RIMS1: variants seen among roughly 807,000 people sequenced by gnomAD.
The protein encoded by RIMS1 is regulating synaptic membrane exocytosis protein 1.
RIMS1 carries 83 observed loss-of-function variants against 214.1 expected under a neutral mutation model. The observed-to-expected ratio is 0.39, with a 90% CI of 0.32 to 0.47. The LOEUF (loss-of-function observed/expected upper bound fraction) is 0.47. RIMS1 is among the 20% of genes least tolerant of loss of function. The probability of loss-of-function intolerance (pLI) is 0.99; values close to 1 mark genes in which losing one functional copy is unlikely to be tolerated. For missense variants in RIMS1, 2,050 were observed against 2,161.8 expected, an observed-to-expected ratio of 0.95 and a Z score of 1.03; for synonymous variants, 793 against 786.8, an observed-to-expected ratio of 1.01 and a Z score of -0.13.
intron 3 of RIMS1, among the ~76,000 whole-genome samples, chr6:72,099,460 C>G (rs919405783): frequency 2.6e-5 from 4 of 151,974 alleles, no homozygotes; most frequent in African/African-American, 9.7e-5. Context: ...ATAAATATTG[C>G]CTGTGGAATA....
intron 5 of RIMS1, among the ~76,000 whole-genome samples, chr6:72,181,005 T>G (rs1432273839): frequency 6.6e-6 from 1 of 152,192 alleles, no homozygotes; most frequent in Non-Finnish European, 1.5e-5. Flanking sequence ...TTCAAGCCAG[T>G]AGTCATTGTG....
intron 26 of RIMS1, among the ~76,000 whole-genome samples, chr6:72,298,472 A>C (rs2094312061): frequency 6.6e-6 from 1 of 152,008 alleles, no homozygotes; most frequent in Non-Finnish European, 1.5e-5. Flanking sequence ...ACTTGTTCTC[A>C]TCCACTTTGC....
intron 28 of RIMS1, among the ~76,000 whole-genome samples, chr6:72,327,489 T>C (rs932926822): frequency 1.9e-4 from 29 of 151,818 alleles, no homozygotes; most frequent in African/African-American, 6.0e-4. Context: ...AGTTCATATA[T>C]GTTTGTGTGG....
chr6:72,262,490 C>T (rs1171204735), intron 19 of RIMS1: 15 of 985,104 alleles, frequency 1.5e-5, no homozygotes, highest in Admixed American at 6.2e-5. Flanking sequence ...TGTGTCAGTG[C>T]GAAACATATG....
At chr6:71,916,978 A>G (rs1253598949) in intron 1 of RIMS1, among the ~76,000 whole-genome samples, 1 of 152,126 alleles carries the variant, frequency 6.6e-6, no homozygotes, top group Non-Finnish European at 1.5e-5. Context: ...TGGGAAGTAA[A>G]TGTAGTATTA....
chr6:72,007,992 G>T (rs963663249), intron 2 of RIMS1, among the ~76,000 whole-genome samples: 1 of 152,106 alleles, frequency 6.6e-6, no homozygotes, highest in Non-Finnish European at 1.5e-5. Context: ...GATACTGTTC[G>T]AGAAGAGCAA....
At chr6:72,371,780 A>G (rs997494857) in intron 29 of RIMS1, among the ~76,000 whole-genome samples, 3 of 152,184 alleles carry the variant, frequency 2.0e-5, no homozygotes, top group Non-Finnish European at 4.4e-5. Flanking sequence ...GTGCCTTTTA[A>G]GGGGCAAAGC....
At chr6:71,963,754 T>C (rs972483960) in intron 1 of RIMS1, among the ~76,000 whole-genome samples, 3 of 152,302 alleles carry the variant, frequency 2.0e-5, no homozygotes, top group Admixed American at 6.5e-5. Flanking sequence ...TTTATTTTTA[T>C]TTTATAAATA....
At chr6:71,963,453 T>G (rs1793540686) in intron 1 of RIMS1, among the ~76,000 whole-genome samples, 2 of 152,182 alleles carry the variant, frequency 1.3e-5, no homozygotes, top group Non-Finnish European at 2.9e-5. Context: ...CTTATTTTCC[T>G]GCTCTCTTTA....
intron 26 of RIMS1, among the ~76,000 whole-genome samples, chr6:72,295,166 A>G (rs916468706): frequency 1.3e-5 from 2 of 151,796 alleles, no homozygotes; most frequent in Non-Finnish European, 3.0e-5. Flanking sequence ...ATCTTCCATT[A>G]TTATATCACC....
chr6:71,930,645 C>T (rs1244041473), intron 1 of RIMS1, among the ~76,000 whole-genome samples: 2 of 151,986 alleles, frequency 1.3e-5, no homozygotes, highest in East Asian at 1.9e-4. Context: ...TTGAGTGAAT[C>T]GGGTCCAAGT....
chr6:72,256,567 G>A (rs999137786), intron 16 of RIMS1, among the ~76,000 whole-genome samples: 4 of 151,814 alleles, frequency 2.6e-5, no homozygotes, highest in Non-Finnish European at 5.9e-5. Context: ...CTTAAATCTC[G>A]AAATAGGGCT....
intron 4 of RIMS1, among the ~76,000 whole-genome samples, chr6:72,100,531 C>G (rs965207802): frequency 6.6e-6 from 1 of 151,978 alleles, no homozygotes; most frequent in Admixed American, 6.6e-5. Context: ...TAAAAGGTCA[C>G]TTTTAACTCT....
At position 72,182,359 on chromosome 6, in the gene RIMS1, C is replaced by G. The variant is rs943595974; in HGVS notation, c.888C>G (p.Thr296=). The G allele has an allele frequency of 6.2e-7, 1 of 1,613,710 alleles. No homozygotes were observed. Among genetic ancestry groups the G allele is most frequent in the Non-Finnish European group, 8.5e-7 (1 of 1,179,836 alleles). ...GCGAGCGGAAACGCGTGCCAAAGAC[C>G]TCAGCGCAGCCCGTGGAGGGGGCCG... The part of the protein sequence containing the change: ...LKSERKRVPK[T]SAQPVEGAVE... Residue 296 remains threonine (T), a synonymous_variant, in exon 6 of 34, where the codon ACC becomes ACG. Coordinates refer to ENST00000521978, the MANE Select transcript of RIMS1 (RefSeq NM_014989.7).
intron 4 of RIMS1, among the ~76,000 whole-genome samples, chr6:72,142,466 T>C (rs1468538980): frequency 6.6e-6 from 1 of 152,102 alleles, no homozygotes; most frequent in African/African-American, 2.4e-5. Context: ...ATGACCTCTT[T>C]CTACTTCCTG....
At chr6:71,918,192 T>G (rs1036664397) in intron 1 of RIMS1, among the ~76,000 whole-genome samples, 2 of 151,984 alleles carry the variant, frequency 1.3e-5, no homozygotes, top group African/African-American at 4.8e-5. Context: ...AGGTGAAGAT[T>G]AGCTGTGGGA....
intron 2 of RIMS1, among the ~76,000 whole-genome samples, chr6:71,971,325 A>G (rs562906923): frequency 6.6e-6 from 1 of 152,328 alleles, no homozygotes; most frequent in African/African-American, 2.4e-5. Flanking sequence ...AACTATTGCA[A>G]TAGGTCAGGG....
chr6:72,390,294 G>C (rs2098682169), intron 29 of RIMS1, among the ~76,000 whole-genome samples: 1 of 152,072 alleles, frequency 6.6e-6, no homozygotes, highest in African/African-American at 2.4e-5. Flanking sequence ...GAACAGTTGG[G>C]TGCCAAATTC....
chr6:72,229,621 G>A (rs2061347155), intron 6 of RIMS1, among the ~76,000 whole-genome samples: 1 of 151,726 alleles, frequency 6.6e-6, no homozygotes, highest in Non-Finnish European at 1.5e-5. Context: ...ATAATTTAGG[G>A]TAAGTGGAAG....
Sources: allele counts gnomAD v4.1 joint callset (sites outside exome capture counted in the v4.1 genomes callset), GRCh38; gene constraint gnomAD v4.1.1; transcripts MANE v1.5; gene names NCBI Gene and HGNC (gene_info 2026-07-23, HGNC 2026-07-21).